DYNC1I1: variants seen among roughly 807,000 people sequenced by gnomAD.
DYNC1I1 encodes dynein cytoplasmic 1 intermediate chain 1, also known as cytoplasmic dynein 1 intermediate chain 1.
Under a neutral mutation model 86.6 loss-of-function variants are expected in DYNC1I1, and 43 were observed. The ratio of observed to expected loss-of-function variants is 0.50; its 90% CI spans 0.39 to 0.64. DYNC1I1 has a LOEUF of 0.64. Among genes scored for constraint, DYNC1I1 ranks in the 30% least tolerant of loss-of-function variants. The pLI, the probability that DYNC1I1 is intolerant of heterozygous loss-of-function variation, is 0.00. For synonymous variants in DYNC1I1, 262 were observed against 283.7 expected (o/e 0.92, Z 0.77); for missense variants, 604 against 788.8 (o/e 0.77, Z 2.81).
chr7:95,897,174 C>T (rs909514467), intron 6 of DYNC1I1, among the ~76,000 whole-genome samples: 3 of 152,158 alleles, frequency 2.0e-5, no homozygotes, highest in Admixed American at 2.0e-4. Flanking sequence ...TTTATTAGCA[C>T]ATGGTCATTA....
intron 6 of DYNC1I1, among the ~76,000 whole-genome samples, chr7:95,967,007 G>A (rs1039719483): frequency 2.6e-5 from 4 of 152,090 alleles, no homozygotes; most frequent in African/African-American, 7.2e-5. Context: ...GGAAACCACT[G>A]AGAAAACGTC....
intron 12 of DYNC1I1, 90 bp downstream of exon 12, chr7:96,032,870 C>A: frequency 1.8e-6 from 2 of 1,096,598 alleles, no homozygotes; most frequent in Non-Finnish European, 1.4e-6. Context: ...CAAACCCTCA[C>A]ATCCTAGAGG....
intron 10 of DYNC1I1, among the ~76,000 whole-genome samples, chr7:96,027,045 C>T (rs192770422): frequency 6.6e-6 from 1 of 152,348 alleles, no homozygotes; most frequent in Non-Finnish European, 1.5e-5. Context: ...AGGCATGCAC[C>T]TGCCCATACG....
downstream of DYNC1I1, among the ~76,000 whole-genome samples, chr7:96,102,211 C>CTT (rs1176067372): frequency 6.6e-6 from 1 of 152,068 alleles, no homozygotes; most frequent in African/African-American, 2.4e-5. Flanking sequence ...ACAATTTTGC[C>CTT]TTGGGGCTAT....
intron 14 of DYNC1I1, among the ~76,000 whole-genome samples, chr7:96,045,242 T>A (rs1789174522): frequency 2.6e-5 from 4 of 152,222 alleles, no homozygotes; most frequent in Admixed American, 2.0e-4. Context: ...AAGTGAGATG[T>A]TTGGATTTAG....
At chr7:95,921,422 T>A (rs1791607050) in intron 6 of DYNC1I1, among the ~76,000 whole-genome samples, 1 of 152,172 alleles carries the variant, frequency 6.6e-6, no homozygotes, top group Non-Finnish European at 1.5e-5. Context: ...AAGCCCCAAT[T>A]TCAATCCATT....
intron 6 of DYNC1I1, among the ~76,000 whole-genome samples, chr7:95,952,153 C>A (rs1792578803): frequency 6.6e-6 from 1 of 151,724 alleles, no homozygotes; most frequent in Admixed American, 6.6e-5. Context: ...TTTTTCCTTT[C>A]TCTCTTTCAT....
At chr7:95,987,010 T>C (rs1294990590) in intron 8 of DYNC1I1, 46 bp from the exon 9 acceptor site, 1 of 1,566,146 alleles carries the variant, frequency 6.4e-7, no homozygotes, top group African/African-American at 1.4e-5. Flanking sequence ...ATGAGCAGCA[T>C]AGAGAAAGAG....
chr7:95,948,142 T>C (rs1211077632), intron 6 of DYNC1I1, among the ~76,000 whole-genome samples: 4 of 152,162 alleles, frequency 2.6e-5, no homozygotes, highest in Non-Finnish European at 5.9e-5. Flanking sequence ...TCCCTCCATC[T>C]CCTAGAGTTC....
chr7:96,096,106 A>G (rs1584318836), intron 16 of DYNC1I1, among the ~76,000 whole-genome samples: 1 of 152,154 alleles, frequency 6.6e-6, no homozygotes, highest in East Asian at 1.9e-4. Context: ...TATATTCTTG[A>G]AACATTTAGC....
chr7:95,936,239 A>G (rs1214742895), intron 6 of DYNC1I1, among the ~76,000 whole-genome samples: 1 of 152,072 alleles, frequency 6.6e-6, no homozygotes, highest in Non-Finnish European at 1.5e-5. Context: ...GTTCAATTAT[A>G]TACATGGCTG....
intron 14 of DYNC1I1, among the ~76,000 whole-genome samples, chr7:96,063,981 G>A (rs1326942959): frequency 1.3e-5 from 2 of 152,204 alleles, no homozygotes; most frequent in African/African-American, 4.8e-5. Context: ...AAAGCAGCGG[G>A]AACAGTTGAT....
intron 10 of DYNC1I1, among the ~76,000 whole-genome samples, chr7:96,019,384 T>G (rs1794484834): frequency 6.6e-6 from 1 of 152,114 alleles, no homozygotes; most frequent in Admixed American, 6.6e-5. Context: ...GTGCTTTTTT[T>G]TTTTTATTCA....
intron 9 of DYNC1I1, among the ~76,000 whole-genome samples, 191 bp downstream of exon 9, chr7:95,987,346 G>T (rs892909114): frequency 6.6e-6 from 1 of 151,996 alleles, no homozygotes; most frequent in Non-Finnish European, 1.5e-5. Context: ...CCTACTATGT[G>T]CTAGGTACCA....
At chr7:96,080,584 A>T (rs1482494541) in intron 16 of DYNC1I1, 96 bp downstream of exon 16, 71 of 1,601,004 alleles carry the variant, frequency 4.4e-5, no homozygotes, top group Non-Finnish European at 6.0e-5. Context: ...GGCCACAAGG[A>T]CCCTCTCTAA....
intron 4 of DYNC1I1, 136 bp downstream of exon 4, chr7:95,813,473 A>G (rs1794879362): frequency 8.8e-7 from 1 of 1,134,216 alleles, no homozygotes; most frequent in African/African-American, 1.6e-5. Context: ...GTTTAAATTT[A>G]TGGTGGCTTG....
chr7:95,843,441 T>C (rs1639887597), intron 5 of DYNC1I1, among the ~76,000 whole-genome samples: 1 of 152,180 alleles, frequency 6.6e-6, no homozygotes, highest in African/African-American at 2.4e-5. Flanking sequence ...TGCTGTAACT[T>C]GGGGCAGTTG....
At chr7:95,782,894 ACTCCT>A (rs1562890305) in intron 1 of DYNC1I1, among the ~76,000 whole-genome samples, 4 of 151,724 alleles carry the variant, frequency 2.6e-5, no homozygotes. Context: ...CCCCAGCCGA[ACTCCT>A]CTCGATGTTC....
intron 5 of DYNC1I1, among the ~76,000 whole-genome samples, chr7:95,868,506 G>T (rs945159462): frequency 3.9e-5 from 6 of 152,204 alleles, no homozygotes; most frequent in Admixed American, 1.3e-4. Context: ...TACTTCTGTT[G>T]CTCCTAGAGA....
Sources: gnomAD v4.1 joint callset for allele counts (sites outside exome capture counted in the v4.1 genomes callset) on GRCh38, gnomAD v4.1.1 for gene constraint, MANE v1.5 for transcripts, NCBI Gene and HGNC (gene_info 2026-07-23, HGNC 2026-07-21) for gene names.